Variants in ZCCHC17 observed in about 807,000 individuals in gnomAD.
ZCCHC17 encodes the protein zinc finger CCHC-type containing 17.
A neutral mutation model predicts 30.6 loss-of-function variants in ZCCHC17; 18 were observed. That is an observed-to-expected ratio of 0.59 (90% confidence interval 0.41 to 0.87). The LOEUF (loss-of-function observed/expected upper bound fraction) is 0.87. ZCCHC17 is among the 40% of genes least tolerant of loss of function. The probability of loss-of-function intolerance (pLI) is 0.00; values close to 1 mark genes in which losing one functional copy is unlikely to be tolerated. For missense variants in ZCCHC17, 263 were observed against 284.2 expected (o/e 0.93, Z 0.54); for synonymous variants, 88 against 92.4 (o/e 0.95, Z 0.27).
chr1:31,307,218 C>T (rs1646483941), intron 1 of ZCCHC17, among the ~76,000 whole-genome samples: 1 of 151,692 alleles, frequency 6.6e-6, no homozygotes, highest in Non-Finnish European at 1.5e-5. Context: ...AGTGATCCTC[C>T]CGCCTTAGCT....
In ZCCHC17 at chr1:31,337,233, A is replaced by C. The variant is rs1285830170; in HGVS notation, c.183A>C (p.Val61=). 6.2e-7 allele frequency: 1 copy of C among 1,614,062 alleles called. No individual in the cohort carries two copies. Among genetic ancestry groups the C allele is most frequent in the South Asian group, 1.1e-5 (1 of 91,084 alleles). Residue 61 remains valine (V), a synonymous_variant, in exon 4 of 8, where the codon GTA becomes GTC. Transcript: ENST00000344147. ...SCRVDKPSEI[V]DVGDKVWVKL... is the part of the protein sequence containing the mutation. ...GGGTGGATAAGCCCTCTGAGATAGT[A>C]GATGTTGGAGATAAAGTGTGGGTGA... is the stretch of plus-strand genomic sequence containing the variant.
intron 7 of ZCCHC17, among the ~76,000 whole-genome samples, chr1:31,354,418 T>C (rs1162786394): frequency 1.3e-5 from 2 of 152,126 alleles, no homozygotes; most frequent in African/African-American, 4.8e-5. Context: ...TTTTTTTTTC[T>C]TTTGAGGCAG....
chr1:31,315,798 A>G lies in ZCCHC17; in HGVS notation c.67-3311A>G, dbSNP rs527398926. On this transcript the variant is annotated intron_variant, in intron 2 of 7. Coordinates refer to ENST00000344147, the MANE Select transcript of ZCCHC17 (RefSeq NM_016505.4). ...ATTTTTTCCCCTGAGCTATTTGACT[A>G]ATTATTCTTGGGACACCAGGCAGAC... 3.2e-4 allele frequency among the ~76,000 whole-genome samples: 49 copies of G among 152,288 alleles called. 1 individual carries two copies. Among genetic ancestry groups the G allele is most frequent in the African/African-American group, 1.2e-3 (48 of 41,560 alleles).
intron 5 of ZCCHC17, among the ~76,000 whole-genome samples, chr1:31,340,598 C>T (rs1472053687): frequency 1.8e-4 from 28 of 152,164 alleles, no homozygotes; most frequent in Admixed American, 5.9e-4. Context: ...ATTACAGGCG[C>T]GAGCCACCGC....
At position 31,307,392 on chromosome 1, in the gene ZCCHC17, A is replaced by G. The variant is rs1646488821; in HGVS notation, c.-55-2652A>G. On this transcript the variant is annotated intron_variant, in intron 1 of 7. Transcript: ENST00000344147. ...AGCAGAAGTCTGTAAGCAACAATGTAAGTTCATTTCTGCTTTAGACTTTTT... is the reference window on the plus strand; with the variant it reads ...AGCAGAAGTCTGTAAGCAACAATGTGAGTTCATTTCTGCTTTAGACTTTTT... 2.6e-5 allele frequency among the ~76,000 whole-genome samples: 4 copies of G among 151,848 alleles called. No homozygotes were observed. The South Asian group carries it at 8.3e-4, about 31-fold the overall frequency.
intron 3 of ZCCHC17, among the ~76,000 whole-genome samples, chr1:31,327,031 G>A (rs1451385621): frequency 6.6e-6 from 1 of 152,176 alleles, no homozygotes; most frequent in Non-Finnish European, 1.5e-5. Flanking sequence ...ACACTGAGTT[G>A]AAGACCCCTT....
intron 3 of ZCCHC17, among the ~76,000 whole-genome samples, chr1:31,324,693 C>T (rs1208498740): frequency 2.0e-5 from 3 of 152,206 alleles, no homozygotes; most frequent in African/African-American, 7.2e-5. Flanking sequence ...CCATCTTGGC[C>T]CCCTCTGGAC....
intron 3 of ZCCHC17, among the ~76,000 whole-genome samples, chr1:31,319,615 ATTT>A (rs1646814748): frequency 6.6e-6 from 1 of 152,142 alleles, no homozygotes; most frequent in Non-Finnish European, 1.5e-5. Context: ...TCTGTTGAAC[ATTT>A]TTTTGAGAAT....
intron 3 of ZCCHC17, among the ~76,000 whole-genome samples, chr1:31,328,146 C>T (rs1638430899): frequency 6.6e-6 from 1 of 152,180 alleles, no homozygotes; most frequent in Admixed American, 6.5e-5. Flanking sequence ...GTTACAGCAA[C>T]AGTGTGTGAT....
intron 5 of ZCCHC17, among the ~76,000 whole-genome samples, chr1:31,344,752 C>T (rs988378741): frequency 2.6e-5 from 4 of 152,160 alleles, no homozygotes; most frequent in Non-Finnish European, 5.9e-5. Flanking sequence ...CTGCAACTCA[C>T]AGCCACTTGA....
chr1:31,328,329 A>G (rs1391374959), intron 3 of ZCCHC17, among the ~76,000 whole-genome samples: 1 of 151,992 alleles, frequency 6.6e-6, no homozygotes, highest in East Asian at 1.9e-4. Context: ...CCTGGGTAAC[A>G]TGGTGAAACC....
intron 6 of ZCCHC17, among the ~76,000 whole-genome samples, chr1:31,347,230 G>C (rs910146301): frequency 5.3e-5 from 8 of 152,184 alleles, no homozygotes; most frequent in African/African-American, 1.7e-4. Context: ...CTTCTTTTTA[G>C]CTCTATTTCC....
At chr1:31,315,790 A>G (rs75422339) in intron 2 of ZCCHC17, among the ~76,000 whole-genome samples, 1 of 152,172 alleles carries the variant, frequency 6.6e-6, no homozygotes, top group East Asian at 1.9e-4. Context: ...CCCCTGAGCT[A>G]TTTGACTAAT....
At chr1:31,318,571 G>A (rs913870326) in intron 2 of ZCCHC17, among the ~76,000 whole-genome samples, 1 of 152,108 alleles carries the variant, frequency 6.6e-6, no homozygotes, top group African/African-American at 2.4e-5. Flanking sequence ...TTGTCTTGAT[G>A]AAACCCAAGA....
chr1:31,347,935 A>G (rs1164136208), intron 6 of ZCCHC17, among the ~76,000 whole-genome samples: 2 of 152,144 alleles, frequency 1.3e-5, no homozygotes, highest in Non-Finnish European at 2.9e-5. Context: ...TATCTCATAC[A>G]ATTCCTCTGT....
chr1:31,317,322 G>A (rs1008300542), intron 2 of ZCCHC17, among the ~76,000 whole-genome samples: 3 of 152,098 alleles, frequency 2.0e-5, no homozygotes, highest in African/African-American at 7.2e-5. Context: ...TCCGTGCCTG[G>A]CCTCCCTAAC....
intron 7 of ZCCHC17, among the ~76,000 whole-genome samples, chr1:31,350,820 T>G (rs749722326): frequency 1.1e-4 from 16 of 152,272 alleles, no homozygotes; most frequent in Admixed American, 5.9e-4. Context: ...CAGGGTGGTC[T>G]CAAACTCCTG....
intron 3 of ZCCHC17, among the ~76,000 whole-genome samples, chr1:31,325,746 A>G (rs1638314239): frequency 6.6e-6 from 1 of 152,238 alleles, no homozygotes; most frequent in Admixed American, 6.5e-5. Context: ...AGCTGAATGC[A>G]GCCTGCCAGG....
chr1:31,329,837 G>A (rs562583339), intron 3 of ZCCHC17, among the ~76,000 whole-genome samples: 25 of 152,286 alleles, frequency 1.6e-4, no homozygotes, highest in African/African-American at 5.8e-4. Flanking sequence ...CCTGAAATGG[G>A]AATGATGTGC....
Sources: gnomAD v4.1 joint callset for allele counts (sites outside exome capture counted in the v4.1 genomes callset) on GRCh38, gnomAD v4.1.1 for gene constraint, MANE v1.5 for transcripts, NCBI Gene and HGNC (gene_info 2026-07-23, HGNC 2026-07-21) for gene names.